Variants in CDC42SE2 observed in about 807,000 individuals in gnomAD.
CDC42SE2 encodes the protein CDC42 small effector protein 2.
In CDC42SE2, 3 loss-of-function variants were observed where a neutral mutation model predicts 11.5. The ratio of observed to expected loss-of-function variants is 0.26; its 90% CI spans 0.12 to 0.67. CDC42SE2 has a LOEUF of 0.67. CDC42SE2 is among the 30% of genes least tolerant of loss of function. CDC42SE2 has a pLI of 0.80. For synonymous variants in CDC42SE2, 33 were observed against 34.8 expected (o/e 0.95, Z 0.18); for missense variants, 82 against 106.8 (o/e 0.77, Z 1.02).
At chr5:131,378,800 T>C (rs1331938385) in intron 3 of CDC42SE2, among the ~76,000 whole-genome samples, 1 of 152,184 alleles carries the variant, frequency 6.6e-6, no homozygotes, top group Non-Finnish European at 1.5e-5. Flanking sequence ...AGTTCCATAC[T>C]GACTTTTGCA....
At chr5:131,388,157 G>A (rs1750543840) in intron 4 of CDC42SE2, among the ~76,000 whole-genome samples, 1 of 152,140 alleles carries the variant, frequency 6.6e-6, no homozygotes, top group African/African-American at 2.4e-5. Context: ...ACCATGCCTG[G>A]CTAATTTTTT....
intron 1 of CDC42SE2, among the ~76,000 whole-genome samples, chr5:131,273,145 A>G (rs1278619666): frequency 2.1e-5 from 3 of 146,106 alleles, no homozygotes; most frequent in Admixed American, 6.7e-5. Context: ...TATATATTTT[A>G]CATTTTTTTA....
chr5:131,292,240 C>CAAAAAAAAAAAAAAAAAAAAAAAAAAAAA (rs1202956370), intron 1 of CDC42SE2, among the ~76,000 whole-genome samples: 1 of 25,604 alleles, frequency 3.9e-5, no homozygotes, highest in Non-Finnish European at 8.1e-5. Context: ...TCTGTCTCAC[C>CAAAAAAAAAAAAAAAAAAAAAAAAAAAAA]AAAAAAAAAA....
chr5:131,312,664 C>T (rs188450777), intron 1 of CDC42SE2, among the ~76,000 whole-genome samples: 43 of 152,304 alleles, frequency 2.8e-4, no homozygotes, highest in African/African-American at 9.6e-4. Context: ...TTAAGCCCCT[C>T]GGAAAAGCAC....
At chr5:131,310,681 GATCCCTTTACCATT>G (rs956739386) in intron 1 of CDC42SE2, among the ~76,000 whole-genome samples, 2 of 152,092 alleles carry the variant, frequency 1.3e-5, no homozygotes, top group African/African-American at 4.8e-5. Context: ...TTGTTGAATT[GATCCCTTTACCATT>G]ATGTAATGGC....
intron 1 of CDC42SE2, among the ~76,000 whole-genome samples, chr5:131,286,385 G>GTT (rs33983324): frequency 0.18 from 20,460 of 114,920 alleles, 3,795 homozygotes; most frequent in African/African-American, 0.48. Flanking sequence ...CACCTGGCCA[G>GTT]TTTTTTTTTT....
chr5:131,243,580 C>T (rs1039833273), upstream of CDC42SE2, among the ~76,000 whole-genome samples: 4 of 151,968 alleles, frequency 2.6e-5, no homozygotes, highest in Non-Finnish European at 4.4e-5. Context: ...AGCGAGACTC[C>T]GTCTCAAAAA....
chr5:131,322,961 TTTTTGTTTTG>T (rs1416401880), intron 2 of CDC42SE2, among the ~76,000 whole-genome samples: 1 of 152,164 alleles, frequency 6.6e-6, no homozygotes, highest in Non-Finnish European at 1.5e-5. Flanking sequence ...CTGTGTGTGG[TTTTTGTTTTG>T]TTTTGTTTTC....
chr5:131,300,319 A>C (rs1236115247), intron 1 of CDC42SE2, among the ~76,000 whole-genome samples: 3 of 152,150 alleles, frequency 2.0e-5, no homozygotes, highest in African/African-American at 7.2e-5. Context: ...GAGAGGTTGG[A>C]AAAGGGGGAC....
intron 1 of CDC42SE2, among the ~76,000 whole-genome samples, chr5:131,315,009 G>A (rs1034474100): frequency 6.6e-6 from 1 of 152,188 alleles, no homozygotes; most frequent in African/African-American, 2.4e-5. Flanking sequence ...TGGAGGAAGA[G>A]CCAGTTGCCT....
chr5:131,312,711 C>T (rs375955302), intron 1 of CDC42SE2, among the ~76,000 whole-genome samples: 22 of 152,284 alleles, frequency 1.4e-4, no homozygotes, highest in African/African-American at 3.8e-4. Flanking sequence ...TTCCAGGTGC[C>T]GTCCGTCACC....
chr5:131,346,412 T>C (rs1388976398), intron 2 of CDC42SE2, among the ~76,000 whole-genome samples: 1 of 152,194 alleles, frequency 6.6e-6, no homozygotes, highest in African/African-American at 2.4e-5. Flanking sequence ...AAGAAGGTCA[T>C]TGCGTAATGG....
At chr5:131,365,764 C>T (rs570070717) in intron 3 of CDC42SE2, among the ~76,000 whole-genome samples, 34 of 152,272 alleles carry the variant, frequency 2.2e-4, no homozygotes, top group East Asian at 1.4e-3. Context: ...GGGCGGATCA[C>T]GAGGTCAGAA....
chr5:131,273,605 C>A (rs928342570), intron 1 of CDC42SE2, among the ~76,000 whole-genome samples: 99 of 150,852 alleles, frequency 6.6e-4, no homozygotes, highest in African/African-American at 2.3e-3. Flanking sequence ...CCCGTCTCTA[C>A]TAAAAATACA....
At chr5:131,278,883 C>A (rs1701425461) in intron 1 of CDC42SE2, among the ~76,000 whole-genome samples, 1 of 141,262 alleles carries the variant, frequency 7.1e-6, no homozygotes, top group African/African-American at 2.7e-5. Context: ...CTCCTAGGTT[C>A]AAGTGATTCT....
intron 1 of CDC42SE2, among the ~76,000 whole-genome samples, chr5:131,288,283 TTTCCTC>T (rs1185165588): frequency 5.3e-5 from 8 of 152,140 alleles, no homozygotes; most frequent in African/African-American, 1.9e-4. Flanking sequence ...AAATGCAACT[TTTCCTC>T]TTATAATGTG....
chr5:131,331,873 T>C (rs1049561102), intron 2 of CDC42SE2, among the ~76,000 whole-genome samples: 1 of 152,226 alleles, frequency 6.6e-6, no homozygotes, highest in Non-Finnish European at 1.5e-5. Flanking sequence ...AAAATAAAGA[T>C]CATTTCAAAT....
chr5:131,354,487 T>G (rs754566294), intron 2 of CDC42SE2, among the ~76,000 whole-genome samples: 9 of 152,186 alleles, frequency 5.9e-5, no homozygotes, highest in Non-Finnish European at 8.8e-5. Context: ...CTAAACAAAA[T>G]AGTTTAAATT....
chr5:131,268,754 C>CTTTTTT (rs11370516), intron 1 of CDC42SE2, among the ~76,000 whole-genome samples: 11 of 96,876 alleles, frequency 1.1e-4, no homozygotes, highest in Non-Finnish European at 1.3e-4. Context: ...ACCCGGATTG[C>CTTTTTT]TTTTTTTTTT....
Sources: gnomAD v4.1 joint callset for allele counts (sites outside exome capture counted in the v4.1 genomes callset) on GRCh38, gnomAD v4.1.1 for gene constraint, MANE v1.5 for transcripts, NCBI Gene and HGNC (gene_info 2026-07-23, HGNC 2026-07-21) for gene names.